The following DRC1 variants were observed in gnomAD, a reference collection of about 807,000 sequenced individuals.
The protein encoded by DRC1 is dynein regulatory complex subunit 1, also known as dynein regulatory complex protein 1.
In DRC1, 74 loss-of-function variants were observed where a neutral mutation model predicts 98.7. That is an observed-to-expected ratio of 0.75 (90% CI 0.62 to 0.91). The LOEUF is 0.91. DRC1 is among the 40% of genes least tolerant of loss of function. The pLI is 0.00. For missense variants in DRC1, 875 were observed against 886.0 expected, an observed-to-expected ratio of 0.99 and a Z score of 0.16; for synonymous variants, 336 against 334.1, an observed-to-expected ratio of 1.01 and a Z score of -0.06.
intron 7 of DRC1, among the ~76,000 whole-genome samples, chr2:26,434,165 A>G (rs1030303101): frequency 2.0e-5 from 3 of 152,192 alleles, no homozygotes; most frequent in Admixed American, 6.5e-5. Flanking sequence ...GCAAACCACA[A>G]AAATAGGAAG....
At chr2:26,412,996 G>A (rs11685982) in intron 1 of DRC1, among the ~76,000 whole-genome samples, 17,937 of 152,094 alleles carry the variant, frequency 0.12, 1,408 homozygotes, top group East Asian at 0.22. Flanking sequence ...GTTAGCCAGG[G>A]TAGTCTCGAT....
At chr2:26,444,651 T>C in intron 9 of DRC1, 65 bp from the exon 10 acceptor site, 1 of 1,449,846 alleles carries the variant, frequency 6.9e-7, no homozygotes, top group Non-Finnish European at 9.6e-7. Context: ...GCCCTGCTGC[T>C]ATTTGAGGGG....
chr2:26,433,025 C>G (rs905281659), intron 7 of DRC1, among the ~76,000 whole-genome samples: 20 of 152,186 alleles, frequency 1.3e-4, no homozygotes, highest in African/African-American at 4.8e-4. Context: ...CTAGAACTGT[C>G]TAATATTCAG....
At position 26,421,388 on chromosome 2, in the gene DRC1, T is replaced by C. The variant is rs1324007348; in HGVS notation, c.344T>C (p.Ile115Thr). ...EIHRRVEEEE[I>T]KRQRIEKLEN... is the part of the protein sequence containing the mutation. ...CACAGGAGAGTCGAAGAAGAGGAGA[T>C]AAAGCGTCAAAGGTAAGGACTGTGC... The change falls in exon 3 of 17, where the codon ATA (isoleucine) becomes ACA (threonine). Residue 115 changes from isoleucine to threonine, a missense_variant. Transcript: ENST00000288710. The C allele has an allele frequency of 1.9e-6, 3 of 1,612,832 alleles. No homozygotes were observed. The highest frequency in any genetic ancestry group is 2.5e-6 in the Non-Finnish European group (3 of 1,179,324).
rs147153471 is a variant in DRC1, at chr2:26,414,222, C to T, written c.156-122C>T. The T allele has an allele frequency of 1.4e-4, 120 of 853,882 alleles. 2 individuals are homozygous for T. The East Asian group carries it at 2.8e-3, about 20-fold the overall frequency. The allele number at this position is 853,882 out of a possible 1,614,324, so 52.9% of individuals were successfully genotyped here. ...GAACTCCTGGCCTTAAGCAATCCTC[C>T]TGTCTTGGTCTCCCAAACTGTTGGG... On this transcript the variant is annotated intron_variant, in intron 1 of 16. Transcript: ENST00000288710.
At chr2:26,450,975 G>A (rs1021542477) in intron 13 of DRC1, among the ~76,000 whole-genome samples, 1 of 151,762 alleles carries the variant, frequency 6.6e-6, no homozygotes, top group African/African-American at 2.4e-5. Context: ...GAGAACATGC[G>A]GTGTTTGGTT....
intron 16 of DRC1, among the ~76,000 whole-genome samples, 178 bp from the exon 17 acceptor site, chr2:26,456,283 A>C (rs540639980): frequency 6.6e-6 from 1 of 152,326 alleles, no homozygotes; most frequent in South Asian, 2.1e-4. Context: ...CTGAGCAAGA[A>C]GGCTCAGGCG....
chr2:26,453,249 C>T (rs1664052372), intron 13 of DRC1, 71 bp from the exon 14 acceptor site: 6 of 1,558,648 alleles, frequency 3.8e-6, no homozygotes, highest in Non-Finnish European at 5.2e-6. Context: ...GGTTTTTCTT[C>T]TTCCTGCCTC....
chr2:26,448,275 G>C (rs1431218282), intron 10 of DRC1: 4 of 450,020 alleles, frequency 8.9e-6, no homozygotes, highest in Non-Finnish European at 1.8e-5. Flanking sequence ...ACCTGCCCCT[G>C]CTTTGAGTTG....
In DRC1 at chr2:26,440,362, G is replaced by GT. The variant is rs746818380; in HGVS notation, c.889-9dup. The stretch of plus-strand genomic sequence containing the variant: ...GTGTGTGTGTATATATATATATATA[G>GT]TTTTTTTAACTTTAGATTCTTGAGC... On this transcript the variant is annotated splice_polypyrimidine_tract_variant and intron_variant, in intron 7 of 16. Transcript: ENST00000288710. 3.6e-5 allele frequency: 52 copies of GT among 1,454,190 alleles called. No homozygotes were observed. In the South Asian group the frequency reaches 5.5e-4, roughly 15 times the overall value. 90.1% of individuals were successfully genotyped at this position (1,454,190 alleles called of 1,614,324 possible).
At chr2:26,455,419 A>G (rs1417167550) in intron 16 of DRC1, among the ~76,000 whole-genome samples, 186 bp downstream of exon 16, 1 of 152,080 alleles carries the variant, frequency 6.6e-6, no homozygotes, top group Non-Finnish European at 1.5e-5. Flanking sequence ...TCTTGCCTGA[A>G]GTCTCCTCCA....
intron 2 of DRC1, among the ~76,000 whole-genome samples, chr2:26,415,898 C>G (rs1248415866): frequency 1.4e-5 from 2 of 145,870 alleles, no homozygotes; most frequent in African/African-American, 5.1e-5. Flanking sequence ...GGCCACTGCA[C>G]TCTAGCCTGG....
intron 16 of DRC1, among the ~76,000 whole-genome samples, chr2:26,456,047 C>A (rs566434341): frequency 6.6e-6 from 1 of 152,336 alleles, no homozygotes; most frequent in Non-Finnish European, 1.5e-5. Context: ...TGTAGTGAAC[C>A]TTGGCCTCAT....
rs557830857 is a variant in DRC1, at chr2:26,453,468, C to A, written c.1838C>A (p.Thr613Asn). Residue 613 changes from threonine to asparagine, a missense_variant, in exon 14 of 17, where the codon ACC becomes AAC. Physicochemically the swap from Thr to Asn is moderately conservative, Grantham distance 65. Coordinates refer to ENST00000288710, the MANE Select transcript of DRC1 (RefSeq NM_145038.5). ...GGGGAGAAGGAGGAAGAGGAGGAGA[C>A]CCCACCCTCCCCCTGGGTCATCCAC... is the stretch of plus-strand genomic sequence containing the variant. The part of the protein sequence containing the change: ...VEGEKEEEEE[T>N]PPSPWVIHPN... The A allele has an allele frequency of 1.2e-6, 2 of 1,614,022 alleles. No individual in the cohort carries two copies. The highest frequency in any genetic ancestry group is 4.5e-5 in the East Asian group (2 of 44,874).
At chr2:26,436,201 G>A (rs548579430) in intron 7 of DRC1, among the ~76,000 whole-genome samples, 1 of 151,490 alleles carries the variant, frequency 6.6e-6, no homozygotes, top group Admixed American at 6.6e-5. Context: ...GTTTTGATTA[G>A]CATTTCTCTA....
At chr2:26,407,709 G>A (rs1218183060) in intron 1 of DRC1, among the ~76,000 whole-genome samples, 2 of 152,046 alleles carry the variant, frequency 1.3e-5, no homozygotes, top group Non-Finnish European at 2.9e-5. Context: ...CTGGACCACA[G>A]AGACCTCTTC....
chr2:26,432,235 A>G (rs567401000), intron 7 of DRC1, among the ~76,000 whole-genome samples: 1 of 152,212 alleles, frequency 6.6e-6, no homozygotes, highest in South Asian at 2.1e-4. Context: ...GGTGGCTTAC[A>G]CTTGTAATCC....
chr2:26,428,648 A>G (rs536958564), intron 4 of DRC1, among the ~76,000 whole-genome samples: 1 of 152,306 alleles, frequency 6.6e-6, no homozygotes, highest in Admixed American at 6.5e-5. Flanking sequence ...AATACAAAAA[A>G]TTAGCCAGGC....
intron 4 of DRC1, 22 bp downstream of exon 4, chr2:26,424,476 G>A (rs1023611256): frequency 6.3e-7 from 1 of 1,590,754 alleles, no homozygotes; most frequent in African/African-American, 1.3e-5. Flanking sequence ...GGGCCCTCCA[G>A]CCCAGCCACA....
Sources: allele counts gnomAD v4.1 joint callset (sites outside exome capture counted in the v4.1 genomes callset), GRCh38; gene constraint gnomAD v4.1.1; transcripts MANE v1.5; gene names NCBI Gene and HGNC (gene_info 2026-07-23, HGNC 2026-07-21).